Variants in GRAMD1B observed in about 807,000 individuals in gnomAD.
GRAMD1B encodes the protein protein Aster-B.
A neutral mutation model predicts 99.7 loss-of-function variants in GRAMD1B; 37 were observed. The observed-to-expected ratio is 0.37, with a 90% CI of 0.29 to 0.49. The LOEUF (loss-of-function observed/expected upper bound fraction) is 0.49. Ranked by LOEUF, GRAMD1B falls within the 20% of genes least tolerant of loss-of-function variation. The probability of loss-of-function intolerance (pLI) is 0.98; values close to 1 mark genes in which losing one functional copy is unlikely to be tolerated. For synonymous variants in GRAMD1B, 427 were observed against 387.6 expected, an observed-to-expected ratio of 1.10 and a Z score of -1.19; for missense variants, 888 against 1,009.2, an observed-to-expected ratio of 0.88 and a Z score of 1.63.
intron 2 of GRAMD1B, among the ~76,000 whole-genome samples, chr11:123,534,431 G>T (rs1458858998): frequency 6.6e-6 from 1 of 152,094 alleles, no homozygotes; most frequent in East Asian, 1.9e-4. Context: ...GTTGTTCAGG[G>T]GTCACTTGTA....
intron 4 of GRAMD1B, among the ~76,000 whole-genome samples, chr11:123,592,606 TA>T (rs1170504687): frequency 1.3e-5 from 2 of 152,214 alleles, no homozygotes; most frequent in Non-Finnish European, 2.9e-5. Context: ...GACTCTGTTC[TA>T]AGAGGCTAGG....
intron 1 of GRAMD1B, among the ~76,000 whole-genome samples, chr11:123,391,746 A>G (rs932577315): frequency 9.9e-5 from 15 of 152,132 alleles, no homozygotes. Context: ...GTGAGCCACC[A>G]CACCCGGCCA....
At chr11:123,466,575 T>C (rs1255160471) in intron 1 of GRAMD1B, among the ~76,000 whole-genome samples, 1 of 152,178 alleles carries the variant, frequency 6.6e-6, no homozygotes, top group Non-Finnish European at 1.5e-5. Flanking sequence ...CTGCAGCTTT[T>C]CAGCACTGAC....
At chr11:123,562,542 G>A (rs1946888091) in intron 2 of GRAMD1B, among the ~76,000 whole-genome samples, 1 of 152,212 alleles carries the variant, frequency 6.6e-6, no homozygotes, top group Non-Finnish European at 1.5e-5. Context: ...ACTCTGAAAT[G>A]TGGATTTCCT....
At chr11:123,458,439 C>G (rs749734262) in intron 1 of GRAMD1B, 2 of 152,238 alleles carry the variant, frequency 1.3e-5, no homozygotes, top group Non-Finnish European at 2.9e-5. Context: ...TCTTCCGCAC[C>G]TAGTCCACTC....
chr11:123,570,904 A>G (rs111531995), intron 2 of GRAMD1B, among the ~76,000 whole-genome samples: 3 of 152,318 alleles, frequency 2.0e-5, no homozygotes, highest in African/African-American at 7.2e-5. Flanking sequence ...TTGATCATCT[A>G]GGTCACTGTA....
intron 4 of GRAMD1B, among the ~76,000 whole-genome samples, chr11:123,585,153 A>G (rs1949937645): frequency 6.6e-6 from 1 of 152,152 alleles, no homozygotes; most frequent in Non-Finnish European, 1.5e-5. Flanking sequence ...ATCCTGGGAA[A>G]GCCATCTTTG....
intron 2 of GRAMD1B, among the ~76,000 whole-genome samples, chr11:123,576,361 C>T (rs1948712490): frequency 6.6e-6 from 1 of 152,204 alleles, no homozygotes; most frequent in Non-Finnish European, 1.5e-5. Flanking sequence ...TTTCCAATCT[C>T]ACATTTCCTT....
chr11:123,541,848 G>A (rs1944568200), intron 2 of GRAMD1B, among the ~76,000 whole-genome samples: 1 of 151,900 alleles, frequency 6.6e-6, no homozygotes, highest in South Asian at 2.1e-4. Flanking sequence ...GTCCTTCTGT[G>A]ATTTTAAAAA....
At chr11:123,399,299 A>T (rs1345992037) in intron 1 of GRAMD1B, among the ~76,000 whole-genome samples, 1 of 152,172 alleles carries the variant, frequency 6.6e-6, no homozygotes, top group Non-Finnish European at 1.5e-5. Context: ...ATGCCATTGT[A>T]TTTAAGTATG....
At chr11:123,589,908 G>T (rs1950475688) in intron 4 of GRAMD1B, among the ~76,000 whole-genome samples, 1 of 152,136 alleles carries the variant, frequency 6.6e-6, no homozygotes, top group Non-Finnish European at 1.5e-5. Flanking sequence ...CAAGGTGGCA[G>T]AGCTGGGGAG....
intron 2 of GRAMD1B, among the ~76,000 whole-genome samples, chr11:123,484,837 C>G (rs567725440): frequency 6.6e-6 from 1 of 152,186 alleles, no homozygotes; most frequent in African/African-American, 2.4e-5. Context: ...AACTAACTTA[C>G]GCTCTGCACC....
intron 1 of GRAMD1B, among the ~76,000 whole-genome samples, chr11:123,403,281 G>GC (rs1244171251): frequency 1.3e-5 from 2 of 151,644 alleles, no homozygotes; most frequent in African/African-American, 4.8e-5. Context: ...AAAAAAATTA[G>GC]CCAGGCGTGA....
chr11:123,435,728 C>A (rs892519079), intron 1 of GRAMD1B: 1 of 372,128 alleles, frequency 2.7e-6, no homozygotes, highest in East Asian at 3.9e-5. Flanking sequence ...AAGTGAAATT[C>A]TTTTATTCAT....
At chr11:123,527,216 G>A (rs999075580) in intron 2 of GRAMD1B, among the ~76,000 whole-genome samples, 1 of 152,168 alleles carries the variant, frequency 6.6e-6, no homozygotes, top group Non-Finnish European at 1.5e-5. Flanking sequence ...CTGAGTGAAA[G>A]GTTGATTTTC....
At chr11:123,372,238 G>A (rs1946552159) in intron 1 of GRAMD1B, among the ~76,000 whole-genome samples, 1 of 152,164 alleles carries the variant, frequency 6.6e-6, no homozygotes, top group Admixed American at 6.5e-5. Flanking sequence ...TGATTCAGTT[G>A]TTACTTGGTT....
In GRAMD1B at chr11:123,627,017, A is replaced by G. The variant is rs1955537043; in HGVS notation, c.*4422A>G. The G allele has an allele frequency of 6.6e-6, 1 of 152,222 alleles. No homozygotes were observed. Among genetic ancestry groups the G allele is most frequent in the African/African-American group, 2.4e-5 (1 of 41,418 alleles). 9.4% of individuals were successfully genotyped at this position (152,222 alleles called of 1,614,324 possible). A position where few individuals can be genotyped will look rare whatever the true frequency, so the allele number is the denominator to read the frequency against. On this transcript the variant is annotated 3_prime_UTR_variant, in exon 20 of 20. Coordinates refer to ENST00000635736, the MANE Select transcript of GRAMD1B (RefSeq NM_001387025.1). ...AGCTCCCTGTTTTGATGTTCTGTGC[A>G]ACAGCTCCGGGGTCTTGTGACTGGA...
chr11:123,587,823 G>A lies in GRAMD1B; in HGVS notation c.684+3491G>A, dbSNP rs554590721. 2.6e-5 allele frequency among the ~76,000 whole-genome samples: 4 copies of A among 152,302 alleles called. No homozygotes were observed. In the East Asian group the frequency reaches 7.7e-4, roughly 29 times the overall value. ...AAAAGAACAAAGGTTTGTAGGAATG[G>A]AATCCAGGGTGTTGGGGTTGGGCAG... is the stretch of plus-strand genomic sequence containing the variant. On this transcript the variant is annotated intron_variant, in intron 4 of 19. Transcript: ENST00000635736. This position sits in a 1 kb window ranked among gnomAD's most constrained non-coding sequence, Gnocchi z 4.2.
intron 1 of GRAMD1B, among the ~76,000 whole-genome samples, chr11:123,449,453 AC>A (rs1473860786): frequency 5.3e-5 from 8 of 152,112 alleles, no homozygotes; most frequent in Non-Finnish European, 1.2e-4. Flanking sequence ...CTGAATAATT[AC>A]CCCTTCATAT....
Sources: allele counts gnomAD v4.1 joint callset (sites outside exome capture counted in the v4.1 genomes callset), GRCh38; gene constraint gnomAD v4.1.1; non-coding constraint Gnocchi (gnomAD v3.1); transcripts MANE v1.5; gene names NCBI Gene and HGNC (gene_info 2026-07-23, HGNC 2026-07-21).